CYTH4: variants seen among roughly 807,000 people sequenced by gnomAD.
CYTH4 encodes cytohesin 4.
CYTH4 carries 22 observed loss-of-function variants against 57.5 expected under a neutral mutation model. That is an observed-to-expected ratio of 0.38 (90% CI 0.27 to 0.55). CYTH4 has a LOEUF of 0.55. Among genes scored for constraint, CYTH4 ranks in the 20% least tolerant of loss-of-function variants. The pLI, the probability that CYTH4 is intolerant of heterozygous loss-of-function variation, is 0.74. For missense variants in CYTH4, 420 were observed against 535.6 expected, an observed-to-expected ratio of 0.78 and a Z score of 2.13; for synonymous variants, 186 against 206.5, an observed-to-expected ratio of 0.90 and a Z score of 0.85.
At position 37,311,963 on chromosome 22, in the gene CYTH4, T is replaced by C. The variant is rs2269593; in HGVS notation, c.958-57T>C. On this transcript the variant is annotated intron_variant, in intron 11 of 12. Transcript: ENST00000248901. The surrounding 1 kb of genome is among the most constrained non-coding windows in gnomAD (Gnocchi z 4.4). Reference sequence around the variant, plus strand: ...AGCGTCTGGGCTTCTCTGAGCCTCCTGGAGGGCCCACCCAGCCTCCCTCTC... The same window carrying C: ...AGCGTCTGGGCTTCTCTGAGCCTCCCGGAGGGCCCACCCAGCCTCCCTCTC... 0.4 allele frequency: 632,109 copies of C among 1,586,774 alleles called. 130,420 individuals are homozygous for C. Among genetic ancestry groups the C allele is most frequent in the South Asian group, 0.65 (57,551 of 87,882 alleles).
chr22:37,286,915 G>A lies in CYTH4; in HGVS notation c.19+4327G>A, dbSNP rs562730221. 5.3e-5 allele frequency among the ~76,000 whole-genome samples: 8 copies of A among 152,236 alleles called. No homozygotes were observed. In the East Asian group the frequency reaches 5.8e-4, roughly 11 times the overall value. On this transcript the variant is annotated intron_variant, in intron 1 of 12. Coordinates refer to ENST00000248901, the MANE Select transcript of CYTH4 (RefSeq NM_013385.5). ...CATCCGAAAGCCCTGAAGTCCCCCTGAGCAAAGCGATAGCGGCTGGGATGA... is the reference window on the plus strand; with the variant it reads ...CATCCGAAAGCCCTGAAGTCCCCCTAAGCAAAGCGATAGCGGCTGGGATGA...
intron 1 of CYTH4, among the ~76,000 whole-genome samples, chr22:37,286,167 C>T (rs1021062047): frequency 6.6e-6 from 1 of 152,076 alleles, no homozygotes; most frequent in Non-Finnish European, 1.5e-5. Context: ...CGTGTAACCC[C>T]GTCAGAAACC....
intron 12 of CYTH4, among the ~76,000 whole-genome samples, chr22:37,312,500 G>A (rs1929684173): frequency 6.6e-6 from 1 of 152,228 alleles, no homozygotes; most frequent in Non-Finnish European, 1.5e-5. Flanking sequence ...AGTGGCCTGG[G>A]AAGGACCTGG....
At chr22:37,301,223 A>T (rs1014591809) in intron 7 of CYTH4, among the ~76,000 whole-genome samples, 13 of 152,206 alleles carry the variant, frequency 8.5e-5, no homozygotes, top group Admixed American at 3.3e-4. Context: ...TTAGGAGAGC[A>T]GTCAGGAGAC....
chr22:37,306,527 C>A (rs1929404250), intron 8 of CYTH4, among the ~76,000 whole-genome samples: 1 of 152,260 alleles, frequency 6.6e-6, no homozygotes, highest in Admixed American at 6.5e-5. Flanking sequence ...AGCGCCTATC[C>A]CTCTGCAGAG....
chr22:37,303,371 A>G lies in CYTH4; in HGVS notation c.665A>G (p.Asn222Ser), dbSNP rs1245078314. The G allele has an allele frequency of 6.2e-7, 1 of 1,614,018 alleles. No homozygotes were observed. ...RFVSMNRGIN[N>S]GSDLPEDQLR... Reference sequence around the variant, plus strand: ...GTGTCCATGAACCGCGGCATCAACAATGGTAGCGACCTGCCCGAGGACCAG... The same window carrying G: ...GTGTCCATGAACCGCGGCATCAACAGTGGTAGCGACCTGCCCGAGGACCAG... The change falls in exon 8 of 13, where the codon AAT becomes AGT. Residue 222 changes from asparagine (N) to serine (S), a missense_variant. By Grantham distance (46) the Asn-to-Ser change is conservative. Coordinates refer to ENST00000248901, the MANE Select transcript of CYTH4 (RefSeq NM_013385.5).
chr22:37,292,074 C>G (rs907105471), intron 1 of CYTH4: 1 of 152,600 alleles, frequency 6.6e-6, no homozygotes, highest in Non-Finnish European at 1.5e-5. Flanking sequence ...AGGCTCATTT[C>G]CCAGCCTCCC....
At chr22:37,291,341 T>C (rs575494893) in intron 1 of CYTH4, among the ~76,000 whole-genome samples, 1 of 152,334 alleles carries the variant, frequency 6.6e-6, no homozygotes, top group East Asian at 1.9e-4. Flanking sequence ...ACAGCCACAA[T>C]GCCTGCTTAA....
chr22:37,315,170 T>A lies in CYTH4; in HGVS notation c.*1659T>A, dbSNP rs1357882219. The A allele has an allele frequency of 6.6e-6, 1 of 152,098 alleles. No homozygotes were observed. Among genetic ancestry groups the A allele is most frequent in the Non-Finnish European group, 1.5e-5 (1 of 68,074 alleles). The allele number at this position is 152,098 out of a possible 1,614,324, so 9.4% of individuals were successfully genotyped here. Reference sequence around the variant, plus strand: ...GGAGCACTGGGCTAGGGGTCAGGGGTCAGAGATTCTGTCCTGCTCCTGGGA... The same window carrying A: ...GGAGCACTGGGCTAGGGGTCAGGGGACAGAGATTCTGTCCTGCTCCTGGGA... On this transcript the variant is annotated 3_prime_UTR_variant, in exon 13 of 13. Coordinates refer to ENST00000248901, the MANE Select transcript of CYTH4 (RefSeq NM_013385.5).
chr22:37,285,278 TG>T (rs1928510922), intron 1 of CYTH4, among the ~76,000 whole-genome samples: 1 of 151,750 alleles, frequency 6.6e-6, no homozygotes, highest in South Asian at 2.1e-4. Flanking sequence ...CCTGTGGGCT[TG>T]GGGTGGGGGT....
At chr22:37,313,318 C>T (rs1323548154) in intron 12 of CYTH4, 121 bp from the exon 13 acceptor site, 6 of 969,374 alleles carry the variant, frequency 6.2e-6, no homozygotes, top group East Asian at 4.8e-5. Context: ...CTGGCCTTTC[C>T]CCCGCGGCAG....
intron 5 of CYTH4, 89 bp downstream of exon 5, chr22:37,297,771 A>G: frequency 1.7e-6 from 2 of 1,148,178 alleles, no homozygotes; most frequent in Non-Finnish European, 2.6e-6. Context: ...AGGATGAATT[A>G]TGTTAGCAAA....
intron 8 of CYTH4, among the ~76,000 whole-genome samples, chr22:37,308,176 G>C (rs1378586608): frequency 1.3e-5 from 2 of 152,200 alleles, no homozygotes; most frequent in South Asian, 2.1e-4. Flanking sequence ...CCTCCTCCCT[G>C]GTGGCTCCTC....
chr22:37,284,861 C>A (rs1928490847), intron 1 of CYTH4, among the ~76,000 whole-genome samples: 1 of 152,302 alleles, frequency 6.6e-6, no homozygotes, highest in East Asian at 1.9e-4. Context: ...GACAGCAAAG[C>A]CCCAGTGTGG....
At chr22:37,285,049 C>G (rs1359002464) in intron 1 of CYTH4, among the ~76,000 whole-genome samples, 2 of 152,206 alleles carry the variant, frequency 1.3e-5, no homozygotes, top group Non-Finnish European at 2.9e-5. Flanking sequence ...CCCCAGGGTC[C>G]CTCCTACTGA....
intron 2 of CYTH4, 71 bp downstream of exon 2, chr22:37,292,774 C>A: frequency 6.7e-7 from 1 of 1,498,484 alleles, no homozygotes; most frequent in South Asian, 1.2e-5. Context: ...ACCCCACCAG[C>A]TCCTGACCCA....
intron 1 of CYTH4, among the ~76,000 whole-genome samples, chr22:37,289,083 G>A (rs539477205): frequency 5.3e-5 from 8 of 152,318 alleles, no homozygotes; most frequent in African/African-American, 1.9e-4. Context: ...TTGCAGAATA[G>A]AAGGGGTTTC....
intron 9 of CYTH4, 49 bp downstream of exon 9, chr22:37,309,372 C>A: frequency 6.5e-7 from 1 of 1,526,860 alleles, no homozygotes; most frequent in Non-Finnish European, 9.1e-7. Context: ...CATGCACGCG[C>A]GGGCACACAT....
intron 7 of CYTH4, among the ~76,000 whole-genome samples, 200 bp from the exon 8 acceptor site, chr22:37,303,054 A>C (rs1929241799): frequency 6.6e-6 from 1 of 152,142 alleles, no homozygotes; most frequent in Admixed American, 6.5e-5. Context: ...GGCTCAGAAA[A>C]AGAGGCTGAG....
Sources: gnomAD v4.1 joint callset for allele counts (sites outside exome capture counted in the v4.1 genomes callset) on GRCh38, gnomAD v4.1.1 for gene constraint, Gnocchi (gnomAD v3.1) non-coding constraint, MANE v1.5 for transcripts, NCBI Gene and HGNC (gene_info 2026-07-23, HGNC 2026-07-21) for gene names.